The following ATF2 variants were observed in gnomAD, a reference collection of about 807,000 sequenced individuals.
ATF2 encodes the protein cyclic AMP-dependent transcription factor ATF-2.
A neutral mutation model predicts 60.6 loss-of-function variants in ATF2; 24 were observed. That is an observed-to-expected ratio of 0.40 (90% confidence interval 0.29 to 0.56). The LOEUF is 0.56. Ranked by LOEUF, ATF2 falls within the 20% of genes least tolerant of loss-of-function variation. ATF2 has a pLI of 0.54. For synonymous variants in ATF2, 206 were observed against 215.4 expected (o/e 0.96, Z 0.38); for missense variants, 433 against 607.7 (o/e 0.71, Z 3.02).
chr2:175,077,453 G>T (rs1299859936), intron 13 of ATF2, among the ~76,000 whole-genome samples: 2 of 152,064 alleles, frequency 1.3e-5, no homozygotes, highest in African/African-American at 4.8e-5. Flanking sequence ...ATCCTCTTCA[G>T]CACCTGTTGT....
chr2:175,165,813 A>G (rs1700313768), intron 1 of ATF2, among the ~76,000 whole-genome samples: 1 of 152,078 alleles, frequency 6.6e-6, no homozygotes, highest in Non-Finnish European at 1.5e-5. Context: ...GGACTACAGG[A>G]GCCAACACAC....
rs535790530 is a variant in ATF2, at chr2:175,094,266, T to C, written c.979-999A>G. ...AAAATTAGCTGAGCGTGGTGGTGCA[T>C]GCCTATAATCCTAGATAATTGGGAG... On this transcript the variant is annotated intron_variant, in intron 11 of 13. Transcript: ENST00000264110. Among the ~76,000 whole-genome samples the C allele has an allele frequency of 3.4e-4, 51 of 151,612 alleles. 1 individual carries two copies. Among genetic ancestry groups the C allele is most frequent in the Middle Eastern group, 6.8e-3 (2 of 294 alleles).
At position 175,167,220 on chromosome 2, in the gene ATF2, T is replaced by C. The variant is rs570407015; in HGVS notation, c.-143+830A>G. Among the ~76,000 whole-genome samples the C allele has an allele frequency of 3.9e-5, 6 of 151,914 alleles. No individual in the cohort carries two copies. In the East Asian group the frequency reaches 5.8e-4, roughly 15 times the overall value. Reference sequence around the variant, plus strand: ...CTAGGTTCGGTTAAACGAGCGAACATAGAAAACACGTACACACACTCCCTT... The same window carrying C: ...CTAGGTTCGGTTAAACGAGCGAACACAGAAAACACGTACACACACTCCCTT... On this transcript the variant is annotated intron_variant, in intron 1 of 13. Coordinates refer to ENST00000264110, the MANE Select transcript of ATF2 (RefSeq NM_001880.4).
At chr2:175,162,466 A>AT (rs1250334851) in intron 1 of ATF2, among the ~76,000 whole-genome samples, 2 of 152,250 alleles carry the variant, frequency 1.3e-5, no homozygotes, top group African/African-American at 4.8e-5. Flanking sequence ...CTGTAGAAAC[A>AT]TTTATATCCT....
chr2:175,117,989 C>T lies in ATF2; in HGVS notation c.447+1G>A. The T allele has an allele frequency of 6.3e-7, 1 of 1,592,234 alleles. No individual in the cohort carries two copies. The highest frequency in any genetic ancestry group is 8.5e-7 in the Non-Finnish European group (1 of 1,172,816). Reference sequence around the variant, plus strand: ...ACTTTGTATTTCTAAAAATTTCTAACCTTCTCATCACTGGTAGTAGACTCT... The same window carrying T: ...ACTTTGTATTTCTAAAAATTTCTAATCTTCTCATCACTGGTAGTAGACTCT... On this transcript the variant is annotated splice_donor_variant, in intron 7 of 13. Coordinates refer to ENST00000264110, the MANE Select transcript of ATF2 (RefSeq NM_001880.4). LOFTEE classifies it high-confidence loss of function.
chr2:175,161,980 C>T (rs80177483), intron 1 of ATF2, among the ~76,000 whole-genome samples: 2 of 152,212 alleles, frequency 1.3e-5, no homozygotes, highest in African/African-American at 4.8e-5. Context: ...AGGCTGGTCT[C>T]GAACTCCTGA....
At chr2:175,135,637 C>T (rs1698087788) in intron 3 of ATF2, among the ~76,000 whole-genome samples, 1 of 152,150 alleles carries the variant, frequency 6.6e-6, no homozygotes, top group African/African-American at 2.4e-5. Flanking sequence ...AAGAGGGTTG[C>T]TGTTTTCCAT....
chr2:175,159,566 T>A (rs148221157), intron 1 of ATF2, among the ~76,000 whole-genome samples: 97 of 152,276 alleles, frequency 6.4e-4, no homozygotes, highest in Non-Finnish European at 1.1e-3. Flanking sequence ...TTTCTCAAAG[T>A]TGATGGTACA....
At chr2:175,132,418 T>G (rs778608890) in intron 3 of ATF2, among the ~76,000 whole-genome samples, 6 of 152,236 alleles carry the variant, frequency 3.9e-5, no homozygotes, top group Non-Finnish European at 7.3e-5. Context: ...TATCAAATGC[T>G]TTTTCTGCAT....
At chr2:175,163,932 A>AAAAAAAAAAAAAAAAG in intron 1 of ATF2, among the ~76,000 whole-genome samples, 1 of 148,014 alleles carries the variant, frequency 6.8e-6, no homozygotes, top group South Asian at 2.1e-4. Context: ...AAAAAAAAAA[A>AAAAAAAAAAAAAAAAG]GAAAAGTGAA....
At chr2:175,145,049 T>C (rs1308081935) in intron 2 of ATF2, among the ~76,000 whole-genome samples, 1 of 152,178 alleles carries the variant, frequency 6.6e-6, no homozygotes, top group African/African-American at 2.4e-5. Flanking sequence ...TAGATGACAT[T>C]TGAAGATACT....
At chr2:175,144,788 A>G (rs1698834036) in intron 2 of ATF2, among the ~76,000 whole-genome samples, 1 of 152,198 alleles carries the variant, frequency 6.6e-6, no homozygotes, top group Non-Finnish European at 1.5e-5. Context: ...TCAATGCCCA[A>G]GTGGGCTAAG....
At chr2:175,155,304 C>A (rs1229482056) in intron 1 of ATF2, among the ~76,000 whole-genome samples, 1 of 152,140 alleles carries the variant, frequency 6.6e-6, no homozygotes, top group Admixed American at 6.5e-5. Flanking sequence ...TGGAACAAAA[C>A]AAATGGATAA....
At chr2:175,155,284 G>A (rs1699603161) in intron 1 of ATF2, among the ~76,000 whole-genome samples, 1 of 152,104 alleles carries the variant, frequency 6.6e-6, no homozygotes, top group African/African-American at 2.4e-5. Flanking sequence ...CTAGGTTGTA[G>A]AAGCTTCCAT....
Position 175,072,367 on chromosome 2 carries a change from G to A in ATF2, c.*2242C>T, listed in dbSNP as rs1692996566. The A allele has an allele frequency of 6.6e-6, 1 of 152,088 alleles. No homozygotes were observed. The allele number at this position is 152,088 out of a possible 1,614,324, so 9.4% of individuals were successfully genotyped here. On this transcript the variant is annotated 3_prime_UTR_variant, in exon 14 of 14. Transcript: ENST00000264110. ...GCAAATATAAGGACTGAAAATGCTA[G>A]GTACAGAAGTAGTATGACATCCTGA...
Position 175,111,597 on chromosome 2 carries a change from G to A in ATF2, c.799C>T (p.Pro267Ser), listed in dbSNP as rs1477879917. 3.7e-6 allele frequency: 6 copies of A among 1,613,716 alleles called. No individual in the cohort carries two copies. The highest frequency in any genetic ancestry group is 4.2e-6 in the Non-Finnish European group (5 of 1,179,846). The change falls in exon 10 of 14, where the codon CCC becomes TCC. Residue 267 changes from proline (P) to serine (S), a missense_variant. By Grantham distance (74) the Pro-to-Ser change is moderately conservative (BLOSUM62 -1). Around this residue, in one of 5 missense-constraint regions of ATF2, gnomAD observed 246 missense variants for 309.3 expected, o/e 0.80. Coordinates refer to ENST00000264110, the MANE Select transcript of ATF2 (RefSeq NM_001880.4). ...TTTGCTTCTGACTGTACTGGTTGGG[G>A]AGAGGAAGGACCTGGGATTCCTGGA... Reference protein sequence around the residue: ...SVPGIPGPSSPQPVQSEAKMR... With the variant: ...SVPGIPGPSSSQPVQSEAKMR...
At chr2:175,082,526 T>C (rs914332305) in intron 12 of ATF2, among the ~76,000 whole-genome samples, 1 of 152,180 alleles carries the variant, frequency 6.6e-6, no homozygotes, top group African/African-American at 2.4e-5. Context: ...GAGACTGATG[T>C]CTACAAGTTT....
chr2:175,075,840 C>T (rs1485413234), intron 13 of ATF2, among the ~76,000 whole-genome samples: 2 of 152,152 alleles, frequency 1.3e-5, no homozygotes, highest in African/African-American at 2.4e-5. Flanking sequence ...TATCCCTAAA[C>T]AATATAGTTC....
intron 2 of ATF2, among the ~76,000 whole-genome samples, chr2:175,137,736 C>G (rs941811306): frequency 6.6e-6 from 1 of 152,114 alleles, no homozygotes; most frequent in Non-Finnish European, 1.5e-5. Flanking sequence ...CTTTTCTACT[C>G]TCCACTATAC....
Sources: allele counts gnomAD v4.1 joint callset (sites outside exome capture counted in the v4.1 genomes callset), GRCh38; gene constraint gnomAD v4.1.1; regional missense constraint gnomAD v4.1.1; transcripts MANE v1.5; gene names NCBI Gene and HGNC (gene_info 2026-07-23, HGNC 2026-07-21).